PDZRN4: variants seen among roughly 807,000 people sequenced by gnomAD.
The protein encoded by PDZRN4 is PDZ domain-containing RING finger protein 4.
A neutral mutation model predicts 99.0 loss-of-function variants in PDZRN4; 70 were observed. That is an observed-to-expected ratio of 0.71 (90% CI 0.58 to 0.86). PDZRN4 has a LOEUF of 0.86. Among genes scored for constraint, PDZRN4 ranks in the 40% least tolerant of loss-of-function variants. PDZRN4 has a pLI of 0.00. For synonymous variants in PDZRN4, 551 were observed against 501.6 expected (o/e 1.10, Z -1.32); for missense variants, 1,474 against 1,331.2 (o/e 1.11, Z -1.67).
At chr12:41,506,406 G>A (rs755115402) in intron 3 of PDZRN4, 50 bp from the exon 4 acceptor site, 18 of 1,519,556 alleles carry the variant, frequency 1.2e-5, no homozygotes, top group Admixed American at 2.0e-5. Flanking sequence ...TATCATGACA[G>A]CCTCTCTGAT....
intron 3 of PDZRN4, among the ~76,000 whole-genome samples, chr12:41,219,819 A>T (rs1950942169): frequency 6.6e-6 from 1 of 152,156 alleles, no homozygotes; most frequent in Non-Finnish European, 1.5e-5. Context: ...TTTATTAGGA[A>T]TTCCATTTAT....
At chr12:41,393,567 G>T (rs1378181128) in intron 3 of PDZRN4, among the ~76,000 whole-genome samples, 2 of 152,050 alleles carry the variant, frequency 1.3e-5, no homozygotes, top group Non-Finnish European at 2.9e-5. Flanking sequence ...GCTTTTCCTA[G>T]AATTAAAATG....
intron 3 of PDZRN4, among the ~76,000 whole-genome samples, chr12:41,390,333 ATTTGCGTTAATGTT>A (rs1952201069): frequency 6.6e-6 from 1 of 152,012 alleles, no homozygotes; most frequent in Admixed American, 6.6e-5. Context: ...AGCCTGAGAT[ATTTGCGTTAATGTT>A]TTTGCTATAC....
At chr12:41,445,897 T>A (rs1386210992) in intron 3 of PDZRN4, among the ~76,000 whole-genome samples, 3 of 152,134 alleles carry the variant, frequency 2.0e-5, no homozygotes, top group Non-Finnish European at 4.4e-5. Flanking sequence ...CAAATGCAGC[T>A]GTGTTTTCTA....
intron 3 of PDZRN4, among the ~76,000 whole-genome samples, chr12:41,230,986 A>G (rs1397181674): frequency 6.6e-6 from 1 of 152,090 alleles, no homozygotes; most frequent in East Asian, 1.9e-4. Flanking sequence ...GGATTAATTT[A>G]AAGTAATTCC....
intron 5 of PDZRN4, among the ~76,000 whole-genome samples, chr12:41,549,675 G>A (rs287087): frequency 0.12 from 18,860 of 152,094 alleles, 1,197 homozygotes; most frequent in Middle Eastern, 0.15. Flanking sequence ...ATTAATATGC[G>A]CTAAAGCCTG....
At chr12:41,402,406 GTGTGTATATATA>G (rs1292293681) in intron 3 of PDZRN4, among the ~76,000 whole-genome samples, 13 of 14 alleles carry the variant, frequency 0.93, 6 homozygotes, top group Admixed American at 1. Context: ...TATACACACA[GTGTGTATATATA>G]TATATACACA....
intron 3 of PDZRN4, among the ~76,000 whole-genome samples, chr12:41,239,207 G>T (rs560650370): frequency 2.6e-5 from 4 of 152,126 alleles, no homozygotes; most frequent in Non-Finnish European, 5.9e-5. Flanking sequence ...GCAAACTAAC[G>T]CAGGGACAGA....
intron 3 of PDZRN4, among the ~76,000 whole-genome samples, chr12:41,258,639 G>A (rs1030643865): frequency 6.6e-6 from 1 of 152,132 alleles, no homozygotes; most frequent in African/African-American, 2.4e-5. Flanking sequence ...TATAATTTAT[G>A]TATTCCACAA....
At chr12:41,374,287 GT>G (rs1411355840) in intron 3 of PDZRN4, among the ~76,000 whole-genome samples, 1 of 152,154 alleles carries the variant, frequency 6.6e-6, no homozygotes, top group African/African-American at 2.4e-5. Flanking sequence ...TGGGAAGGGA[GT>G]TTAGTATTAT....
At chr12:41,231,977 T>C (rs1341843616) in intron 3 of PDZRN4, among the ~76,000 whole-genome samples, 1 of 152,060 alleles carries the variant, frequency 6.6e-6, no homozygotes, top group African/African-American at 2.4e-5. Flanking sequence ...ATTATAATTG[T>C]TTTAATAAGT....
At chr12:41,423,229 G>A (rs10880074) in intron 3 of PDZRN4, among the ~76,000 whole-genome samples, 72,377 of 151,684 alleles carry the variant, frequency 0.48, 17,509 homozygotes, top group African/African-American at 0.56. Context: ...ACATGCCATG[G>A]TGGTTTGCTG....
chr12:41,363,244 T>G (rs576805475), intron 3 of PDZRN4, among the ~76,000 whole-genome samples: 59 of 152,250 alleles, frequency 3.9e-4, no homozygotes, highest in Admixed American at 3.1e-3. Flanking sequence ...CTTTTTGTTT[T>G]TATTACCCCC....
At chr12:41,339,178 TAC>T (rs1426860557) in intron 3 of PDZRN4, among the ~76,000 whole-genome samples, 1 of 149,956 alleles carries the variant, frequency 6.7e-6, no homozygotes, top group Non-Finnish European at 1.5e-5. Flanking sequence ...CAAATTATGC[TAC>T]AGAGTTATGG....
At chr12:41,428,178 T>C (rs978537534) in intron 3 of PDZRN4, among the ~76,000 whole-genome samples, 1 of 152,130 alleles carries the variant, frequency 6.6e-6, no homozygotes, top group African/African-American at 2.4e-5. Flanking sequence ...TGTACTTGGT[T>C]ATATATATGC....
Position 41,552,912 on chromosome 12 carries a change from TA to T in PDZRN4, c.1302+159del, listed in dbSNP as rs569387757. ...GTCACCTTCAATTAGGAAAGTAAAT[TA>T]TTCTGCCCAAGTAATGTAATTATTA... On this transcript the variant is annotated intron_variant, in intron 6 of 9. Transcript: ENST00000402685. Among the ~76,000 whole-genome samples, 4 of 152,294 alleles carry T rather than the reference TA, an allele frequency of 2.6e-5. No individual in the cohort carries two copies. In the South Asian group the frequency reaches 8.3e-4, roughly 32 times the overall value.
chr12:41,375,514 G>A (rs111408209), intron 3 of PDZRN4, among the ~76,000 whole-genome samples: 2,746 of 152,216 alleles, frequency 0.018, 81 homozygotes, highest in African/African-American at 0.062. Flanking sequence ...AATCCTATAA[G>A]CTAGGTATTA....
intron 3 of PDZRN4, among the ~76,000 whole-genome samples, chr12:41,415,044 G>A (rs192419906): frequency 1.3e-5 from 2 of 152,246 alleles, no homozygotes; most frequent in Admixed American, 1.3e-4. Context: ...TATGGATTCA[G>A]GTATTTGACC....
At chr12:41,333,906 T>C (rs1951755663) in intron 3 of PDZRN4, among the ~76,000 whole-genome samples, 2 of 152,148 alleles carry the variant, frequency 1.3e-5, no homozygotes, top group South Asian at 4.1e-4. Flanking sequence ...TACGCAGTTA[T>C]TTTTGTGTGC....
Sources: gnomAD v4.1 joint callset for allele counts (sites outside exome capture counted in the v4.1 genomes callset) on GRCh38, gnomAD v4.1.1 for gene constraint, MANE v1.5 for transcripts, NCBI Gene and HGNC (gene_info 2026-07-23, HGNC 2026-07-21) for gene names.